Variants in RAB3GAP1 observed in about 807,000 individuals in gnomAD.
The protein encoded by RAB3GAP1 is RAB3 GTPase activating protein catalytic subunit 1.
RAB3GAP1 carries 86 observed loss-of-function variants against 130.7 expected under a neutral mutation model. The observed-to-expected ratio is 0.66, with a 90% CI of 0.55 to 0.79. RAB3GAP1 has a LOEUF of 0.79. Among genes scored for constraint, RAB3GAP1 ranks in the 30% least tolerant of loss-of-function variants. RAB3GAP1 has a pLI of 0.00. For synonymous variants in RAB3GAP1, 367 were observed against 401.7 expected (o/e 0.91, Z 1.03); for missense variants, 1,029 against 1,169.4 (o/e 0.88, Z 1.75).
At chr2:135,081,200 G>C (rs1198770307) in intron 3 of RAB3GAP1, among the ~76,000 whole-genome samples, 1 of 148,970 alleles carries the variant, frequency 6.7e-6, no homozygotes, top group East Asian at 2.0e-4. Flanking sequence ...CCAGCTACTC[G>C]GGAGGCTGAG....
rs750064032 is a variant in RAB3GAP1 at position 135,168,899 on chromosome 2, A to G, written c.*118A>G. 61 of 892,286 alleles carry G rather than the reference A, an allele frequency of 6.8e-5. No individual in the cohort carries two copies. Among genetic ancestry groups the G allele is most frequent in the Non-Finnish European group, 8.4e-5 (45 of 534,958 alleles). 55.3% of individuals were successfully genotyped at this position (892,286 alleles called of 1,614,324 possible). ...GAGGGCCCTGTCCAGTTGGGTGATCAGGAATCAAACCAGCATCGGAAAGAC... is the reference window on the plus strand; with the variant it reads ...GAGGGCCCTGTCCAGTTGGGTGATCGGGAATCAAACCAGCATCGGAAAGAC... On this transcript the variant is annotated 3_prime_UTR_variant, in exon 24 of 24. Coordinates refer to ENST00000264158, the MANE Select transcript of RAB3GAP1 (RefSeq NM_012233.3).
rs1265370155 is a variant in RAB3GAP1, at chr2:135,168,774, T to C, written c.2939T>C (p.Phe980Ser). ...LAGAFSSDTS[F>S]F is the part of the protein sequence containing the mutation. ...GGTGCCTTTTCATCAGATACTTCCT[T>C]CTTCTGATTCTTCTAGCATTACTCG... The change falls in exon 24 of 24, where the codon TTC (phenylalanine) becomes TCC (serine). Residue 980 changes from phenylalanine to serine, a missense_variant. Physicochemically the swap from Phe to Ser is radical, Grantham distance 155. Transcript: ENST00000264158. 1 of 1,608,874 alleles carries C rather than the reference T, an allele frequency of 6.2e-7. No homozygotes were observed. Among genetic ancestry groups the C allele is most frequent in the Admixed American group, 1.7e-5 (1 of 60,026 alleles).
intron 5 of RAB3GAP1, among the ~76,000 whole-genome samples, chr2:135,099,005 C>T (rs971620409): frequency 5.3e-5 from 8 of 151,646 alleles, no homozygotes; most frequent in Admixed American, 2.0e-4. Context: ...AATCTCTGTG[C>T]TTTTTTAAAA....
At chr2:135,168,410 A>G (rs905557196) in intron 23 of RAB3GAP1, 135 bp from the exon 24 acceptor site, 1 of 826,926 alleles carries the variant, frequency 1.2e-6, no homozygotes, top group African/African-American at 1.7e-5. Flanking sequence ...GAGTAATCTT[A>G]ACATATAGCT....
chr2:135,103,162 G>A (rs1238472375), intron 5 of RAB3GAP1, among the ~76,000 whole-genome samples: 2 of 145,706 alleles, frequency 1.4e-5, no homozygotes, highest in Non-Finnish European at 3.0e-5. Flanking sequence ...TCAGCCTCCC[G>A]AGTAGATGGG....
intron 23 of RAB3GAP1, chr2:135,167,701 A>G: frequency 6.7e-7 from 1 of 1,494,302 alleles, no homozygotes; most frequent in Non-Finnish European, 9.0e-7. Context: ...AGCTGACTGA[A>G]TCTTCTGATG....
rs547416110 is a variant in RAB3GAP1, at chr2:135,066,804, G to T, written c.150+8718G>T. Among the ~76,000 whole-genome samples the T allele has an allele frequency of 2.6e-5, 4 of 152,174 alleles. No individual in the cohort carries two copies. The South Asian group carries it at 8.3e-4, about 32-fold the overall frequency. On this transcript the variant is annotated intron_variant, in intron 3 of 23. Coordinates refer to ENST00000264158, the MANE Select transcript of RAB3GAP1 (RefSeq NM_012233.3). ...GTAATTTTATGATTCTATTTAGCTA[G>T]CAAAAATTTTAAGTACTTTTAATGA...
intron 5 of RAB3GAP1, among the ~76,000 whole-genome samples, chr2:135,098,987 T>C (rs559842635): frequency 2.0e-5 from 3 of 152,212 alleles, no homozygotes; most frequent in Non-Finnish European, 4.4e-5. Flanking sequence ...TAGTATTATT[T>C]CTTTTCTAAT....
chr2:135,126,349 TTTTGA>T (rs1372374961), intron 10 of RAB3GAP1, 100 bp downstream of exon 10: 10 of 1,072,964 alleles, frequency 9.3e-6, no homozygotes, highest in South Asian at 1.4e-5. Context: ...TATTATTTTG[TTTTGA>T]TTTTAGTGTT....
rs1337092896 is a variant in RAB3GAP1, at chr2:135,091,148, A to G, written c.283+18A>G. 5.2e-6 allele frequency: 8 copies of G among 1,545,898 alleles called. No individual in the cohort carries two copies. Among genetic ancestry groups the G allele is most frequent in the South Asian group, 1.1e-5 (1 of 88,436 alleles). On this transcript the variant is annotated intron_variant, in intron 4 of 23. Transcript: ENST00000264158. Reference sequence around the variant, plus strand: ...ATTAGAGGGTAAGTTATTTCTATATAATAATATTAACTTCTGATTTGTAGG... The same window carrying G: ...ATTAGAGGGTAAGTTATTTCTATATGATAATATTAACTTCTGATTTGTAGG...
At chr2:135,129,409 G>A (rs531224640) in intron 11 of RAB3GAP1, among the ~76,000 whole-genome samples, 3 of 150,226 alleles carry the variant, frequency 2.0e-5, no homozygotes, top group East Asian at 3.9e-4. Flanking sequence ...CCGAGATTGC[G>A]CCACTGCACT....
In RAB3GAP1 at chr2:135,082,161, G is replaced by GAATGAATGAATGAATGAATGAATGAATA. The variant is rs138937070; in HGVS notation, c.151-8834_151-8833insGAATGAATGAATGAATGAATGAATAAAT. Among the ~76,000 whole-genome samples, 320 of 150,358 alleles carry GAATGAATGAATGAATGAATGAATGAATA rather than the reference G, an allele frequency of 2.1e-3. 1 individual carries two copies. Among genetic ancestry groups the GAATGAATGAATGAATGAATGAATGAATA allele is most frequent in the African/African-American group, 7.4e-3 (299 of 40,432 alleles). Reference sequence around the variant, plus strand: ...TGTCTCAATGAATGAATGAATGAATGAATAAATAAATAAAGATTTTAATTG... The same window carrying GAATGAATGAATGAATGAATGAATGAATA: ...TGTCTCAATGAATGAATGAATGAATGAATGAATGAATGAATGAATGAATGAATAAATAAATAAATAAAGATTTTAATTG... On this transcript the variant is annotated intron_variant, in intron 3 of 23. Transcript: ENST00000264158.
chr2:135,153,021 C>T (rs1164778925), intron 18 of RAB3GAP1: 1 of 152,916 alleles, frequency 6.5e-6, no homozygotes, highest in African/African-American at 2.4e-5. Context: ...TGAATTCCAA[C>T]TCGTTAACAG....
chr2:135,169,624 A>G lies in RAB3GAP1; in HGVS notation c.*843A>G, dbSNP rs563667395. ...GAAGTAGAGAATAGCACTTGCAAAAATACAGTCTTGGTACCTAGAGACTGT... is the reference window on the plus strand; with the variant it reads ...GAAGTAGAGAATAGCACTTGCAAAAGTACAGTCTTGGTACCTAGAGACTGT... On this transcript the variant is annotated 3_prime_UTR_variant, in exon 24 of 24. Coordinates refer to ENST00000264158, the MANE Select transcript of RAB3GAP1 (RefSeq NM_012233.3). 2.6e-6 allele frequency: 1 copy of G among 377,844 alleles called. No individual in the cohort carries two copies. The highest frequency in any genetic ancestry group is 8.4e-5 in the East Asian group (1 of 11,974). The allele number at this position is 377,844 out of a possible 1,614,324, so 23.4% of individuals were successfully genotyped here. A position where few individuals can be genotyped will look rare whatever the true frequency, so the allele number is the denominator to read the frequency against.
intron 3 of RAB3GAP1, chr2:135,089,616 C>T (rs554763575): frequency 6.4e-6 from 1 of 156,896 alleles, no homozygotes; most frequent in African/African-American, 2.4e-5. Context: ...AATCATTCTA[C>T]TATAAAGACA....
chr2:135,139,022 T>C (rs938591011), intron 17 of RAB3GAP1, among the ~76,000 whole-genome samples: 4 of 152,218 alleles, frequency 2.6e-5, no homozygotes, highest in African/African-American at 9.6e-5. Flanking sequence ...TGAATTTTCA[T>C]GAACCTGAGC....
At chr2:135,090,281 A>G (rs1690107335) in intron 3 of RAB3GAP1, among the ~76,000 whole-genome samples, 1 of 152,204 alleles carries the variant, frequency 6.6e-6, no homozygotes, top group African/African-American at 2.4e-5. Context: ...TAGCCATGAA[A>G]ACATTTTAAA....
chr2:135,131,835 A>G (rs1413780343), intron 13 of RAB3GAP1, among the ~76,000 whole-genome samples: 2 of 152,254 alleles, frequency 1.3e-5, no homozygotes, highest in Admixed American at 1.3e-4. Context: ...AATGATAGCT[A>G]TTCTTAACTG....
chr2:135,157,841 A>C (rs1306730222), intron 19 of RAB3GAP1, among the ~76,000 whole-genome samples: 1 of 151,784 alleles, frequency 6.6e-6, no homozygotes, highest in Non-Finnish European at 1.5e-5. Flanking sequence ...CAAAAAAAAA[A>C]AAAAAAAACA....
Sources: allele counts gnomAD v4.1 joint callset (sites outside exome capture counted in the v4.1 genomes callset), GRCh38; gene constraint gnomAD v4.1.1; transcripts MANE v1.5; gene names NCBI Gene and HGNC (gene_info 2026-07-23, HGNC 2026-07-21).